Variants in CNKSR3 observed in about 807,000 individuals in gnomAD.
The protein encoded by CNKSR3 is CNKSR family member 3.
CNKSR3 carries 36 observed loss-of-function variants against 67.7 expected under a neutral mutation model. That is an observed-to-expected ratio of 0.53 (90% CI 0.41 to 0.70). The LOEUF is 0.70. Among genes scored for constraint, CNKSR3 ranks in the 30% least tolerant of loss-of-function variants. CNKSR3 has a pLI of 0.00. For synonymous variants in CNKSR3, 281 were observed against 271.4 expected (o/e 1.04, Z -0.35); for missense variants, 630 against 695.2 (o/e 0.91, Z 1.05).
intron 1 of CNKSR3, among the ~76,000 whole-genome samples, chr6:154,475,735 A>T (rs897183754): frequency 4.6e-5 from 7 of 152,200 alleles, no homozygotes; most frequent in African/African-American, 1.7e-4. Context: ...AATTCCAAGT[A>T]CTGTGGCTAG....
chr6:154,438,065 G>T (rs569151899), intron 4 of CNKSR3, among the ~76,000 whole-genome samples: 1 of 152,188 alleles, frequency 6.6e-6, no homozygotes, highest in South Asian at 2.1e-4. Flanking sequence ...CAAAGTTCTG[G>T]TATTACAGGC....
rs890070632 is a variant in CNKSR3, at chr6:154,396,802, T to G, written c.*9552A>C. 2.3e-5 allele frequency: 2 copies of G among 88,098 alleles called. No individual in the cohort carries two copies. Among genetic ancestry groups the G allele is most frequent in the Admixed American group, 1.1e-4 (1 of 8,948 alleles). The allele number at this position is 88,098 out of a possible 1,614,324, so 5.5% of individuals were successfully genotyped here. A position where few individuals can be genotyped will look rare whatever the true frequency, so the allele number is the denominator to read the frequency against. On this transcript the variant is annotated 3_prime_UTR_variant, in exon 13 of 13. Transcript: ENST00000607772. ...CAGCAAAAATTCACTAATTGTTTTC[T>G]TTTTTTTTTTTTTTTGAGACGGAGT...
intron 12 of CNKSR3, among the ~76,000 whole-genome samples, chr6:154,407,179 G>A (rs1301314856): frequency 6.6e-6 from 1 of 152,172 alleles, no homozygotes; most frequent in Non-Finnish European, 1.5e-5. Flanking sequence ...GCGCCTGAGA[G>A]GTAGCACACG....
intron 6 of CNKSR3, among the ~76,000 whole-genome samples, chr6:154,429,575 A>G (rs1217697514): frequency 6.6e-6 from 1 of 152,180 alleles, no homozygotes; most frequent in African/African-American, 2.4e-5. Context: ...TTTGAAGCCA[A>G]GCAGTACCAA....
At chr6:154,461,621 T>C (rs578006116) in intron 1 of CNKSR3, among the ~76,000 whole-genome samples, 249 of 152,342 alleles carry the variant, frequency 1.6e-3, no homozygotes, top group African/African-American at 5.6e-3. Flanking sequence ...CAGCAGTCCC[T>C]ATACCTCATG....
intron 1 of CNKSR3, among the ~76,000 whole-genome samples, chr6:154,456,305 TTTTTG>T (rs921723568): frequency 6.6e-6 from 1 of 151,998 alleles, no homozygotes; most frequent in Non-Finnish European, 1.5e-5. Flanking sequence ...GTTTTCTGGG[TTTTTG>T]TTTTGTTTTG....
chr6:154,450,066 C>G (rs193089347), intron 2 of CNKSR3, 29 bp downstream of exon 2: 27 of 1,603,974 alleles, frequency 1.7e-5, no homozygotes, highest in Non-Finnish European at 2.2e-5. Context: ...AACGTCATCA[C>G]GGTACAGACC....
intron 1 of CNKSR3, among the ~76,000 whole-genome samples, chr6:154,464,862 C>A (rs1204909398): frequency 2.0e-5 from 3 of 151,934 alleles, no homozygotes; most frequent in African/African-American, 7.3e-5. Flanking sequence ...GGTCTGTGGG[C>A]CCAGCACTGT....
rs1784586576 is a variant in CNKSR3 at position 154,389,732 on chromosome 6, G to A, written c.*16622C>T. ...ATACAAAATCAACATACAAAAATCA[G>A]TTGCGATTTCTATACATTAACACAG... On this transcript the variant is annotated 3_prime_UTR_variant, in exon 13 of 13. Transcript: ENST00000607772. 1.3e-5 allele frequency: 2 copies of A among 152,160 alleles called. No individual in the cohort carries two copies. Among genetic ancestry groups the A allele is most frequent in the Admixed American group, 6.5e-5 (1 of 15,280 alleles). The allele number at this position is 152,160 out of a possible 1,614,324, so 9.4% of individuals were successfully genotyped here.
intron 1 of CNKSR3, among the ~76,000 whole-genome samples, chr6:154,509,149 T>C (rs1369437841): frequency 6.6e-6 from 1 of 152,006 alleles, no homozygotes; most frequent in Admixed American, 6.5e-5. Context: ...GGGGAAACCA[T>C]GAAAATACAG....
intron 3 of CNKSR3, 46 bp downstream of exon 3, chr6:154,442,042 C>T (rs1327814096): frequency 1.3e-6 from 2 of 1,502,654 alleles, no homozygotes; most frequent in South Asian, 1.3e-5. Context: ...GCAGCTTGGA[C>T]TCTATCTACT....
chr6:154,505,835 C>G (rs372340707), intron 1 of CNKSR3, among the ~76,000 whole-genome samples: 2 of 152,168 alleles, frequency 1.3e-5, no homozygotes, highest in Non-Finnish European at 2.9e-5. Context: ...CCACTCGAGG[C>G]TGATCAACAG....
chr6:154,510,230 G>C lies in CNKSR3; in HGVS notation c.-116C>G, dbSNP rs1787188680. The C allele has an allele frequency of 8.0e-7, 1 of 1,250,788 alleles. No individual in the cohort carries two copies. The highest frequency in any genetic ancestry group is 2.4e-5 in the East Asian group (1 of 42,484). 77.5% of individuals were successfully genotyped at this position (1,250,788 alleles called of 1,614,324 possible). On this transcript the variant is annotated 5_prime_UTR_variant, in exon 1 of 13. Coordinates refer to ENST00000607772, the MANE Select transcript of CNKSR3 (RefSeq NM_173515.4). ...CGCGGCTGCTCCCCTGCGCCCGAGC[G>C]ACTCCGTCAAGACTGCATGGCCGCG...
Position 154,410,989 on chromosome 6 carries a change from G to A in CNKSR3, c.1224C>T (p.Tyr408=), listed in dbSNP as rs781438160. 9 of 1,614,004 alleles carry A rather than the reference G, an allele frequency of 5.6e-6. No homozygotes were observed. The South Asian group carries it at 9.9e-5, about 18-fold the overall frequency. The change falls in exon 11 of 13, where the codon TAC becomes TAT. Residue 408 remains tyrosine, a synonymous_variant. Coordinates refer to ENST00000607772, the MANE Select transcript of CNKSR3 (RefSeq NM_173515.4). ...TIADSDQLPG[Y]SVETNILPTK... is the part of the protein sequence containing the mutation. ...TGGGCAGAATGTTGGTTTCCACCGA[G>A]TACCCAGGCAACTGATCCGAGTCTG...
chr6:154,418,748 T>TA (rs1785073760), intron 9 of CNKSR3, among the ~76,000 whole-genome samples: 1 of 152,188 alleles, frequency 6.6e-6, no homozygotes, highest in Non-Finnish European at 1.5e-5. Flanking sequence ...TAGGCTCAGT[T>TA]ATGGGCAATG....
chr6:154,427,078 C>T lies in CNKSR3; in HGVS notation c.729+1050G>A, dbSNP rs186886582. Among the ~76,000 whole-genome samples, 30 of 152,304 alleles carry T rather than the reference C, an allele frequency of 2.0e-4. No individual in the cohort carries two copies. In the East Asian group the frequency reaches 5.2e-3, roughly 26 times the overall value. On this transcript the variant is annotated intron_variant, in intron 7 of 12. Coordinates refer to ENST00000607772, the MANE Select transcript of CNKSR3 (RefSeq NM_173515.4). Reference sequence around the variant, plus strand: ...AAACTCCTAGTGACTCTCAGGGCTTCCTCGCTGCAGCTCAACAGAGAATCC... The same window carrying T: ...AAACTCCTAGTGACTCTCAGGGCTTTCTCGCTGCAGCTCAACAGAGAATCC...
At chr6:154,481,574 G>A (rs1257698470) in intron 1 of CNKSR3, among the ~76,000 whole-genome samples, 4 of 152,198 alleles carry the variant, frequency 2.6e-5, no homozygotes, top group Non-Finnish European at 4.4e-5. Flanking sequence ...ATGCCTTCAA[G>A]AGTAGATGAG....
intron 4 of CNKSR3, among the ~76,000 whole-genome samples, chr6:154,436,346 A>T (rs932191178): frequency 1.3e-5 from 2 of 148,260 alleles, no homozygotes; most frequent in Admixed American, 6.7e-5. Flanking sequence ...TAACTCCTTA[A>T]TTTTTTTTTT....
chr6:154,430,330 A>G (rs550965046), intron 6 of CNKSR3, 142 bp downstream of exon 6: 7 of 644,032 alleles, frequency 1.1e-5, no homozygotes, highest in Non-Finnish European at 1.8e-5. Flanking sequence ...AAGATAGCAC[A>G]TTCCTAATTA....
Sources: allele counts gnomAD v4.1 joint callset (sites outside exome capture counted in the v4.1 genomes callset), GRCh38; gene constraint gnomAD v4.1.1; transcripts MANE v1.5; gene names NCBI Gene and HGNC (gene_info 2026-07-23, HGNC 2026-07-21).